STRADA: variants seen among roughly 807,000 people sequenced by gnomAD.
STRADA encodes STE20 related adaptor alpha, also known as STE20-related kinase adapter protein alpha.
A neutral mutation model predicts 55.0 loss-of-function variants in STRADA; 26 were observed. The ratio of observed to expected loss-of-function variants is 0.47; its 90% CI spans 0.35 to 0.66. The LOEUF is 0.66. Among genes scored for constraint, STRADA ranks in the 30% least tolerant of loss-of-function variants. The pLI is 0.01. For synonymous variants in STRADA, 197 were observed against 210.9 expected (o/e 0.93, Z 0.57); for missense variants, 443 against 549.7 (o/e 0.81, Z 1.94).
intron 6 of STRADA, 107 bp from the exon 7 acceptor site, chr17:63,710,943 G>A: frequency 1.0e-6 from 1 of 991,864 alleles, no homozygotes; most frequent in Non-Finnish European, 1.5e-6. Flanking sequence ...CTTTCTGGGT[G>A]TTCTCAGAGT....
At chr17:63,713,311 G>A (rs2036630766) in intron 6 of STRADA, 95 bp downstream of exon 6, 6 of 1,523,726 alleles carry the variant, frequency 3.9e-6, no homozygotes, top group Admixed American at 4.2e-5. Context: ...ACTTCCGAAC[G>A]TTTAGTCTCC....
chr17:63,724,887 CATA>C (rs1461773592), intron 3 of STRADA, among the ~76,000 whole-genome samples: 2 of 152,126 alleles, frequency 1.3e-5, no homozygotes, highest in African/African-American at 4.8e-5. Flanking sequence ...TTATCTAAAA[CATA>C]ATACTTTGAC....
Position 63,705,123 on chromosome 17 carries a change from C to T in STRADA, c.859-541G>A, listed in dbSNP as rs1036657736. 8.2e-6 allele frequency: 5 copies of T among 606,780 alleles called. No individual in the cohort carries two copies. The East Asian group carries it at 1.4e-4, about 17-fold the overall frequency. The allele number at this position is 606,780 out of a possible 1,614,324, so 37.6% of individuals were successfully genotyped here. A position where few individuals can be genotyped will look rare whatever the true frequency, so the allele number is the denominator to read the frequency against. On this transcript the variant is annotated intron_variant, in intron 10 of 12. Transcript: ENST00000336174. ...TCAACACATATAAAACCAGCCCCACCTGGGACTGCTGTCCTCGTGGAAGTC... is the reference window on the plus strand; with the variant it reads ...TCAACACATATAAAACCAGCCCCACTTGGGACTGCTGTCCTCGTGGAAGTC...
At chr17:63,740,125 T>TATATATAC (rs1568233965) in intron 1 of STRADA, among the ~76,000 whole-genome samples, 1 of 77,004 alleles carries the variant, frequency 1.3e-5, no homozygotes. Flanking sequence ...TACATATATA[T>TATATATAC]ATACACATAC....
intron 4 of STRADA, 112 bp downstream of exon 4, chr17:63,723,186 C>T (rs2037425209): frequency 4.0e-6 from 5 of 1,261,924 alleles, no homozygotes; most frequent in Non-Finnish European, 5.8e-6. Flanking sequence ...AAATAAAGCT[C>T]AGTGACAGAT....
At chr17:63,721,137 G>T (rs969481998) in intron 4 of STRADA, among the ~76,000 whole-genome samples, 8 of 151,884 alleles carry the variant, frequency 5.3e-5, no homozygotes, top group Non-Finnish European at 8.8e-5. Flanking sequence ...ACTTTGGAAG[G>T]CCGAGGCAGG....
chr17:63,735,024 G>A (rs542665671), intron 1 of STRADA, among the ~76,000 whole-genome samples: 4 of 152,126 alleles, frequency 2.6e-5, no homozygotes, highest in South Asian at 2.1e-4. Context: ...GCATGGTGGC[G>A]GGCACCTGTA....
intron 12 of STRADA, 45 bp from the exon 13 acceptor site, chr17:63,703,796 G>A: frequency 5.0e-6 from 8 of 1,609,996 alleles, no homozygotes; most frequent in Non-Finnish European, 6.8e-6. Context: ...GTTGCTCTGG[G>A]TCCCAGGACA....
rs1047517573 is a variant in STRADA, at chr17:63,703,184, C to T, written c.*415G>A. The T allele has an allele frequency of 3.4e-5, 6 of 175,606 alleles. No homozygotes were observed. Among genetic ancestry groups the T allele is most frequent in the African/African-American group, 1.2e-4 (5 of 41,796 alleles). The allele number at this position is 175,606 out of a possible 1,614,324, so 10.9% of individuals were successfully genotyped here. A position where few individuals can be genotyped will look rare whatever the true frequency, so the allele number is the denominator to read the frequency against. The stretch of plus-strand genomic sequence containing the variant: ...TACTTGCCCTTTCACTGACCTATAG[C>T]ATCTGAGGCATCTGAGAGCAAAGTT... On this transcript the variant is annotated 3_prime_UTR_variant, in exon 13 of 13. Transcript: ENST00000336174.
chr17:63,728,196 T>C, intron 2 of STRADA, 138 bp downstream of exon 2: 1 of 736,088 alleles, frequency 1.4e-6, no homozygotes, highest in Non-Finnish European at 2.2e-6. Flanking sequence ...GAGGCTGCAC[T>C]ACCTGCCTTA....
intron 3 of STRADA, among the ~76,000 whole-genome samples, chr17:63,725,391 G>A (rs191010142): frequency 9.2e-5 from 14 of 151,714 alleles, no homozygotes; most frequent in Admixed American, 6.6e-4. Flanking sequence ...TTGCTCTGTC[G>A]CCCAGGCTGG....
chr17:63,729,840 CCTTTTT>C (rs1729659778), intron 1 of STRADA, among the ~76,000 whole-genome samples: 1 of 151,132 alleles, frequency 6.6e-6, no homozygotes, highest in Admixed American at 6.6e-5. Flanking sequence ...TTTTCCTTTT[CCTTTTT>C]TTTTTTTTGA....
At chr17:63,712,555 A>G (rs938526062) in intron 6 of STRADA, 2 of 152,258 alleles carry the variant, frequency 1.3e-5, no homozygotes, top group East Asian at 3.9e-4. Flanking sequence ...TCTACAAAAA[A>G]TACAAAAATT....
chr17:63,733,900 G>A (rs947576954), intron 1 of STRADA, among the ~76,000 whole-genome samples: 8 of 152,190 alleles, frequency 5.3e-5, no homozygotes, highest in African/African-American at 7.2e-5. Context: ...CTCTACTGGG[G>A]AGGATCCTTG....
At position 63,706,745 on chromosome 17, in the gene STRADA, C is replaced by T. The variant is rs374063758; in HGVS notation, c.754-6G>A. ...GCATCATAACCCTGGAGATTCTAAG[C>T]CAGAAAAAAAAGGCCACAGATTACC... On this transcript the variant is annotated splice_polypyrimidine_tract_variant and splice_region_variant and intron_variant, in intron 9 of 12. Transcript: ENST00000336174. 6 of 1,607,896 alleles carry T rather than the reference C, an allele frequency of 3.7e-6. No homozygotes were observed. The highest frequency in any genetic ancestry group is 5.1e-6 in the Non-Finnish European group (6 of 1,176,996).
At chr17:63,740,107 T>TATATATATATATATATATACATACAC (rs1309095081) in intron 1 of STRADA, among the ~76,000 whole-genome samples, 3 of 49,648 alleles carry the variant, frequency 6.0e-5, no homozygotes, top group Non-Finnish European at 1.1e-4. Context: ...TATATATATA[T>TATATATATATATATATATACATACAC]ACATACATAC....
At chr17:63,713,076 G>A (rs1268472241) in intron 6 of STRADA, among the ~76,000 whole-genome samples, 1 of 152,092 alleles carries the variant, frequency 6.6e-6, no homozygotes, top group Non-Finnish European at 1.5e-5. Flanking sequence ...GATGGCCACT[G>A]GTGGCAGGGC....
intron 2 of STRADA, chr17:63,727,316 C>G (rs1212786672): frequency 6.6e-6 from 1 of 152,360 alleles, no homozygotes; most frequent in African/African-American, 2.4e-5. Context: ...CTGAATTAGG[C>G]TACGTTGAAG....
At chr17:63,713,581 A>T in intron 5 of STRADA, 54 bp from the exon 6 acceptor site, 1 of 1,585,664 alleles carries the variant, frequency 6.3e-7, no homozygotes, top group South Asian at 1.2e-5. Flanking sequence ...AAAGGTTTTA[A>T]GAAAATTTTC....
Sources: allele counts gnomAD v4.1 joint callset (sites outside exome capture counted in the v4.1 genomes callset), GRCh38; gene constraint gnomAD v4.1.1; transcripts MANE v1.5; gene names NCBI Gene and HGNC (gene_info 2026-07-23, HGNC 2026-07-21).